Variants in PCID2 observed in about 807,000 individuals in gnomAD.
PCID2 encodes the protein PCI domain-containing protein 2.
In PCID2, 41 loss-of-function variants were observed where a neutral mutation model predicts 61.3. That is an observed-to-expected ratio of 0.67 (90% CI 0.52 to 0.87). PCID2 has a LOEUF of 0.87. Among genes scored for constraint, PCID2 ranks in the 40% least tolerant of loss-of-function variants. The pLI, the probability that PCID2 is intolerant of heterozygous loss-of-function variation, is 0.00. For missense variants in PCID2, 392 were observed against 493.4 expected (o/e 0.79, Z 1.95); for synonymous variants, 187 against 177.8 (o/e 1.05, Z -0.41).
chr13:113,180,109 T>A (rs1406804491), intron 11 of PCID2, 49 bp downstream of exon 11: 1 of 1,613,550 alleles, frequency 6.2e-7, no homozygotes, highest in African/African-American at 1.3e-5. Flanking sequence ...TCAACTCTCA[T>A]CAGGCTTGCA....
At chr13:113,172,666 G>A (rs2037137185), downstream of PCID2, among the ~76,000 whole-genome samples, 1 of 152,228 alleles carries the variant, frequency 6.6e-6, no homozygotes, top group South Asian at 2.1e-4. Flanking sequence ...GGGCCAGAGA[G>A]CACAAGAGAG....
chr13:113,204,823 C>T (rs567027123), intron 1 of PCID2, among the ~76,000 whole-genome samples: 1 of 152,272 alleles, frequency 6.6e-6, no homozygotes, highest in Non-Finnish European at 1.5e-5. Flanking sequence ...GACACAGGAC[C>T]CCTAGCAGCC....
At position 113,178,089 on chromosome 13, in the gene PCID2, C is replaced by A; in HGVS notation, c.*109G>T. 1.4e-6 allele frequency: 1 copy of A among 691,590 alleles called. No homozygotes were observed. The highest frequency in any genetic ancestry group is 1.9e-5 in the South Asian group (1 of 51,928). The allele number at this position is 691,590 out of a possible 1,614,324, so 42.8% of individuals were successfully genotyped here. The stretch of plus-strand genomic sequence containing the variant: ...TCAGCATCCCTGGGAAAAGCGCCTC[C>A]AAGAGTTCCGGCTTCAGGGAGCCTT... On this transcript the variant is annotated 3_prime_UTR_variant, in exon 14 of 14. Transcript: ENST00000337344.
intron 1 of PCID2, 22 bp downstream of exon 1, chr13:113,208,577 G>A (rs1178110802): frequency 1.6e-5 from 25 of 1,605,980 alleles, no homozygotes; most frequent in Non-Finnish European, 2.1e-5. Context: ...ACGCCGCCGC[G>A]CGCTCCCCGG....
At chr13:113,206,031 G>A (rs2039785570) in intron 1 of PCID2, among the ~76,000 whole-genome samples, 1 of 152,224 alleles carries the variant, frequency 6.6e-6, no homozygotes, top group African/African-American at 2.4e-5. Flanking sequence ...CAAGTTAACA[G>A]GTAAACATGG....
At chr13:113,168,612 A>G in the PCID2 span, among the ~76,000 whole-genome samples, 1 of 152,198 alleles carries the variant, frequency 6.6e-6, no homozygotes, top group African/African-American at 2.4e-5. Flanking sequence ...TTCCTCTATC[A>G]TGGATTTTGA....
intron 1 of PCID2, among the ~76,000 whole-genome samples, chr13:113,203,788 T>C (rs563273544): frequency 6.6e-6 from 1 of 152,270 alleles, no homozygotes; most frequent in East Asian, 1.9e-4. Context: ...GCAGGCACAC[T>C]GCGTCTTCCC....
In PCID2 at chr13:113,178,072, C is replaced by A. The variant is rs148599453; in HGVS notation, c.*126G>T. 16 of 586,510 alleles carry A rather than the reference C, an allele frequency of 2.7e-5. No homozygotes were observed. In the African/African-American group the frequency reaches 3.0e-4, roughly 11 times the overall value. 36.3% of individuals were successfully genotyped at this position (586,510 alleles called of 1,614,324 possible). A position where few individuals can be genotyped will look rare whatever the true frequency, so the allele number is the denominator to read the frequency against. ...TGCTGAAAATCTCAGCCTCAGCATC[C>A]CTGGGAAAAGCGCCTCCAAGAGTTC... is the stretch of plus-strand genomic sequence containing the variant. On this transcript the variant is annotated 3_prime_UTR_variant, in exon 14 of 14. Transcript: ENST00000337344.
the PCID2 span, among the ~76,000 whole-genome samples, chr13:113,169,045 T>C: frequency 6.6e-6 from 1 of 152,200 alleles, no homozygotes; most frequent in South Asian, 2.1e-4. Flanking sequence ...TTTCAGATTT[T>C]TTTTCTCTCC....
At chr13:113,169,844 C>T in the PCID2 span, among the ~76,000 whole-genome samples, 2 of 152,248 alleles carry the variant, frequency 1.3e-5, no homozygotes, top group African/African-American at 4.8e-5. Flanking sequence ...CACCACTGCT[C>T]TGCTGAAAAC....
the PCID2 span, among the ~76,000 whole-genome samples, chr13:113,168,980 C>G: frequency 6.6e-6 from 1 of 152,210 alleles, no homozygotes; most frequent in African/African-American, 2.4e-5. Context: ...CCTTCCACCT[C>G]AGCCTCCCAA....
At chr13:113,207,374 C>G (rs1488910355) in intron 1 of PCID2, among the ~76,000 whole-genome samples, 1 of 152,158 alleles carries the variant, frequency 6.6e-6, no homozygotes, top group African/African-American at 2.4e-5. Context: ...TAAGAAAATT[C>G]TAAAGATAAT....
intron 1 of PCID2, among the ~76,000 whole-genome samples, chr13:113,204,456 G>A (rs1257802129): frequency 6.6e-6 from 1 of 152,218 alleles, no homozygotes; most frequent in Non-Finnish European, 1.5e-5. Flanking sequence ...GAGAGGCGGA[G>A]ACCCCTGCTG....
chr13:113,175,549 G>A (rs1018073239), downstream of PCID2, among the ~76,000 whole-genome samples: 4 of 152,178 alleles, frequency 2.6e-5, no homozygotes, highest in African/African-American at 9.7e-5. Context: ...GCAAGAGAAC[G>A]GGGCCCCACT....
At chr13:113,178,411 G>C in intron 13 of PCID2, 124 bp from the exon 14 acceptor site, 1 of 645,566 alleles carries the variant, frequency 1.5e-6, no homozygotes, top group Non-Finnish European at 2.8e-6. Flanking sequence ...TCAGTTCAGC[G>C]GGAAGACAAT....
chr13:113,192,257 A>G (rs1326488506), intron 6 of PCID2, among the ~76,000 whole-genome samples: 2 of 152,228 alleles, frequency 1.3e-5, no homozygotes, highest in African/African-American at 4.8e-5. Context: ...ATCTCTAAAT[A>G]AATAAATAAA....
chr13:113,190,794 A>G (rs948306414), intron 7 of PCID2, 78 bp downstream of exon 7: 16 of 712,882 alleles, frequency 2.2e-5, no homozygotes, highest in Non-Finnish European at 3.1e-5. Flanking sequence ...AACAATAAAC[A>G]CAGGCCAGAA....
At chr13:113,189,764 T>C (rs2038442238) in intron 7 of PCID2, among the ~76,000 whole-genome samples, 1 of 148,820 alleles carries the variant, frequency 6.7e-6, no homozygotes, top group African/African-American at 2.5e-5. Flanking sequence ...GGCTCACGCC[T>C]ATAATCCCAG....
intron 1 of PCID2, among the ~76,000 whole-genome samples, chr13:113,201,945 C>G (rs1438360840): frequency 2.0e-5 from 3 of 151,894 alleles, no homozygotes; most frequent in Admixed American, 6.6e-5. Flanking sequence ...CAAGACTGAC[C>G]GGGGATGTCA....
Sources: gnomAD v4.1 joint callset for allele counts (sites outside exome capture counted in the v4.1 genomes callset) on GRCh38, gnomAD v4.1.1 for gene constraint, MANE v1.5 for transcripts, NCBI Gene and HGNC (gene_info 2026-07-23, HGNC 2026-07-21) for gene names.